The following DROSHA variants were observed in gnomAD, a reference collection of about 807,000 sequenced individuals.
The protein encoded by DROSHA is ribonuclease 3.
Under a neutral mutation model 181.9 loss-of-function variants are expected in DROSHA, and 56 were observed. That is an observed-to-expected ratio of 0.31 (90% confidence interval 0.25 to 0.38). The LOEUF is 0.38. Ranked by LOEUF, DROSHA falls within the 10% of genes least tolerant of loss-of-function variation. The pLI is 1.00. For missense variants in DROSHA, 1,218 were observed against 1,743.5 expected (o/e 0.70, Z 5.37); for synonymous variants, 524 against 591.2 (o/e 0.89, Z 1.65).
intron 23 of DROSHA, among the ~76,000 whole-genome samples, chr5:31,439,959 G>A (rs1192915464): frequency 6.6e-6 from 1 of 152,122 alleles, no homozygotes; most frequent in Non-Finnish European, 1.5e-5. Context: ...AAATCTCTCT[G>A]ACACCAACCC....
At chr5:31,417,176 C>T (rs1310349281) in intron 30 of DROSHA, among the ~76,000 whole-genome samples, 1 of 152,154 alleles carries the variant, frequency 6.6e-6, no homozygotes, top group Non-Finnish European at 1.5e-5. Context: ...AGGAGGTGAG[C>T]GATTTGGCCG....
Position 31,472,248 on chromosome 5 carries a change from G to C in DROSHA, c.2072-16C>G. 1.3e-6 allele frequency: 2 copies of C among 1,581,470 alleles called. No homozygotes were observed. The highest frequency in any genetic ancestry group is 1.7e-6 in the Non-Finnish European group (2 of 1,162,576). On this transcript the variant is annotated splice_polypyrimidine_tract_variant and intron_variant, in intron 16 of 35. Transcript: ENST00000344624. The stretch of plus-strand genomic sequence containing the variant: ...TTTCCTCCATCTTGGGTGGGAATGG[G>C]AGTGGAGAGAAGGGGAAAAATAAGG...
At chr5:31,487,042 T>C (rs771035026) in intron 13 of DROSHA, among the ~76,000 whole-genome samples, 3 of 152,178 alleles carry the variant, frequency 2.0e-5, no homozygotes, top group East Asian at 1.9e-4. Context: ...GCAATTGTGG[T>C]AATAAATATA....
At chr5:31,503,383 C>T (rs184379095) in intron 11 of DROSHA, among the ~76,000 whole-genome samples, 17 of 152,336 alleles carry the variant, frequency 1.1e-4, no homozygotes, top group African/African-American at 4.1e-4. Context: ...CTGTCACCTG[C>T]CTTTCCTGCC....
intron 19 of DROSHA, 94 bp downstream of exon 19, chr5:31,466,088 A>G (rs1046703854): frequency 9.5e-6 from 12 of 1,259,342 alleles, no homozygotes; most frequent in Non-Finnish European, 1.4e-5. Context: ...ATATTTTTCC[A>G]TCTTGTACCA....
At chr5:31,490,255 C>T (rs1752254374) in intron 13 of DROSHA, among the ~76,000 whole-genome samples, 2 of 150,496 alleles carry the variant, frequency 1.3e-5, no homozygotes, top group South Asian at 4.2e-4. Context: ...GCAATCAGCT[C>T]ACTGCAGCTT....
At position 31,495,388 on chromosome 5, in the gene DROSHA, C is replaced by G. The variant is rs750629398; in HGVS notation, c.1669-16G>C. 6.2e-7 allele frequency: 1 copy of G among 1,608,816 alleles called. No homozygotes were observed. The highest frequency in any genetic ancestry group is 8.5e-7 in the Non-Finnish European group (1 of 1,177,528). Reference sequence around the variant, plus strand: ...GCTTGATGGCCTGAGGGGAAAAAAACGAAAATCAGTTTACAAGTAAAGCAA... The same window carrying G: ...GCTTGATGGCCTGAGGGGAAAAAAAGGAAAATCAGTTTACAAGTAAAGCAA... On this transcript the variant is annotated splice_polypyrimidine_tract_variant and intron_variant, in intron 11 of 35. Coordinates refer to ENST00000344624, the MANE Select transcript of DROSHA (RefSeq NM_001382508.1).
At chr5:31,480,422 C>T in intron 16 of DROSHA, among the ~76,000 whole-genome samples, 1 of 151,750 alleles carries the variant, frequency 6.6e-6, no homozygotes. Context: ...TGTTTCAAGT[C>T]AGAATAGCGG....
intron 11 of DROSHA, among the ~76,000 whole-genome samples, chr5:31,496,704 T>C (rs571851018): frequency 2.0e-5 from 3 of 152,384 alleles, no homozygotes; most frequent in African/African-American, 7.2e-5. Flanking sequence ...CATCAAGTTG[T>C]GCTCCCTGGA....
At chr5:31,517,858 C>T (rs1040007640) in intron 6 of DROSHA, among the ~76,000 whole-genome samples, 7 of 151,836 alleles carry the variant, frequency 4.6e-5, no homozygotes, top group Non-Finnish European at 7.4e-5. Context: ...TGAGGCCAGT[C>T]GTTCAAAGAC....
At chr5:31,466,967 A>G (rs1479675532) in intron 18 of DROSHA, among the ~76,000 whole-genome samples, 2 of 152,198 alleles carry the variant, frequency 1.3e-5, no homozygotes, top group Non-Finnish European at 2.9e-5. Context: ...CTGCCATCTG[A>G]GAGTCCACGA....
chr5:31,515,413 TAA>T, intron 7 of DROSHA, 39 bp downstream of exon 7: 2 of 1,125,730 alleles, frequency 1.8e-6, no homozygotes, highest in Non-Finnish European at 2.6e-6. Flanking sequence ...TTTACTTGTT[TAA>T]AAATACAAAT....
intron 11 of DROSHA, 47 bp from the exon 12 acceptor site, chr5:31,495,419 C>G: frequency 6.5e-7 from 1 of 1,529,298 alleles, no homozygotes; most frequent in Non-Finnish European, 9.0e-7. Context: ...AGCAAGAGTA[C>G]TTTTACTTAA....
rs755820158 is a variant in DROSHA, at chr5:31,435,861, G to A, written c.2946C>T (p.Val982=). The change falls in exon 25 of 36, where the codon GTC becomes GTT. Residue 982 remains valine (V), a synonymous_variant. Transcript: ENST00000344624. ...GACTAGGAAACAAATAGTACAAATGGACGCTACAAAAAAAAAAAGAAGTAC... is the reference window on the plus strand; with the variant it reads ...GACTAGGAAACAAATAGTACAAATGAACGCTACAAAAAAAAAAAGAAGTAC... ...GDAVVEFLTS[V]HLYYLFPSLE... 3 of 1,606,748 alleles carry A rather than the reference G, an allele frequency of 1.9e-6. No homozygotes were observed. Among genetic ancestry groups the A allele is most frequent in the Non-Finnish European group, 2.5e-6 (3 of 1,177,750 alleles).
intron 16 of DROSHA, 88 bp from the exon 17 acceptor site, chr5:31,472,320 G>A (rs535995196): frequency 2.2e-6 from 3 of 1,393,244 alleles, no homozygotes; most frequent in Admixed American, 2.7e-5. Flanking sequence ...AAAAAAACAA[G>A]ACAATGGAGG....
chr5:31,497,335 T>C (rs1299941378), intron 11 of DROSHA, among the ~76,000 whole-genome samples: 3 of 152,202 alleles, frequency 2.0e-5, no homozygotes, highest in African/African-American at 7.2e-5. Flanking sequence ...TCCTGGCCTA[T>C]GGTGTCACAA....
chr5:31,490,501 G>A (rs1752283630), intron 13 of DROSHA, among the ~76,000 whole-genome samples: 1 of 152,074 alleles, frequency 6.6e-6, no homozygotes, highest in Admixed American at 6.5e-5. Flanking sequence ...CTTCAGATAA[G>A]TTGTCAGAGC....
chr5:31,474,281 A>C (rs934210191), intron 16 of DROSHA, among the ~76,000 whole-genome samples: 1 of 152,352 alleles, frequency 6.6e-6, no homozygotes, highest in African/African-American at 2.4e-5. Flanking sequence ...CCTTAAATGC[A>C]AAAGTCATCA....
chr5:31,488,874 C>T (rs1752081517), intron 13 of DROSHA: 1 of 152,114 alleles, frequency 6.6e-6, no homozygotes, highest in South Asian at 2.1e-4. Flanking sequence ...ATACAGTGAC[C>T]ATTCTGATGT....
Sources: gnomAD v4.1 joint callset for allele counts (sites outside exome capture counted in the v4.1 genomes callset) on GRCh38, gnomAD v4.1.1 for gene constraint, MANE v1.5 for transcripts, NCBI Gene and HGNC (gene_info 2026-07-23, HGNC 2026-07-21) for gene names.